Variants in CDH6 observed in about 807,000 individuals in gnomAD.
CDH6 encodes the protein cadherin-6.
CDH6 carries 31 observed loss-of-function variants against 78.0 expected under a neutral mutation model. The ratio of observed to expected loss-of-function variants is 0.40; its 90% confidence interval spans 0.30 to 0.54. The LOEUF is 0.54. Ranked by LOEUF, CDH6 falls within the 20% of genes least tolerant of loss-of-function variation. CDH6 has a pLI of 0.56. For missense variants in CDH6, 724 were observed against 975.9 expected (o/e 0.74, Z 3.44); for synonymous variants, 376 against 368.8 (o/e 1.02, Z -0.23).
rs1483502546 is a variant in CDH6, at chr5:31,301,834, G to A, written c.812-277G>A. On this transcript the variant is annotated intron_variant, in intron 5 of 11. Transcript: ENST00000265071. Reference sequence around the variant, plus strand: ...CTTCTATGCCTCCTGTAGCCATTCAGTTGTTCTCACAATCACACCATAAAC... The same window carrying A: ...CTTCTATGCCTCCTGTAGCCATTCAATTGTTCTCACAATCACACCATAAAC... 2.6e-5 allele frequency among the ~76,000 whole-genome samples: 4 copies of A among 152,206 alleles called. No individual in the cohort carries two copies. The East Asian group carries it at 7.7e-4, about 29-fold the overall frequency.
chr5:31,290,567 CA>C (rs1743127802), intron 2 of CDH6, among the ~76,000 whole-genome samples: 1 of 152,136 alleles, frequency 6.6e-6, no homozygotes, highest in African/African-American at 2.4e-5. Flanking sequence ...GATGACATCA[CA>C]AAAGAAAAAA....
intron 1 of CDH6, among the ~76,000 whole-genome samples, chr5:31,219,416 A>G (rs1740950137): frequency 6.6e-6 from 1 of 152,068 alleles, no homozygotes; most frequent in South Asian, 2.1e-4. Context: ...ATAATACATC[A>G]AACATATCCA....
At chr5:31,278,671 T>C (rs1228427554) in intron 2 of CDH6, among the ~76,000 whole-genome samples, 2 of 152,180 alleles carry the variant, frequency 1.3e-5, no homozygotes, top group Admixed American at 6.6e-5. Flanking sequence ...CACAAAAATA[T>C]CAGCTATAGA....
intron 2 of CDH6, among the ~76,000 whole-genome samples, chr5:31,276,942 C>A (rs971122834): frequency 3.9e-5 from 6 of 152,122 alleles, no homozygotes; most frequent in Non-Finnish European, 8.8e-5. Context: ...AGGGAAGGTG[C>A]CCTGCTGTGA....
chr5:31,237,442 G>A (rs894900645), intron 1 of CDH6, among the ~76,000 whole-genome samples: 5 of 152,076 alleles, frequency 3.3e-5, no homozygotes, highest in Non-Finnish European at 7.4e-5. Context: ...CATACTTCAT[G>A]TTGCTCACAT....
intron 3 of CDH6, among the ~76,000 whole-genome samples, chr5:31,296,219 G>A (rs375655764): frequency 3.9e-5 from 6 of 152,040 alleles, no homozygotes; most frequent in African/African-American, 1.4e-4. Context: ...ATGCTTACTG[G>A]TTATCTGATA....
intron 1 of CDH6, among the ~76,000 whole-genome samples, chr5:31,252,997 T>C (rs550172469): frequency 6.6e-6 from 1 of 152,240 alleles, no homozygotes; most frequent in Non-Finnish European, 1.5e-5. Context: ...AAAAATACCA[T>C]GGACTAAGTG....
At chr5:31,234,374 C>G (rs1370431240) in intron 1 of CDH6, among the ~76,000 whole-genome samples, 2 of 152,176 alleles carry the variant, frequency 1.3e-5, no homozygotes, top group Non-Finnish European at 2.9e-5. Context: ...ATTTTAGAAT[C>G]TTATCACATA....
intron 1 of CDH6, among the ~76,000 whole-genome samples, chr5:31,228,130 C>G (rs1741216465): frequency 6.6e-6 from 1 of 152,134 alleles, no homozygotes; most frequent in Non-Finnish European, 1.5e-5. Context: ...ATGTTTAAAT[C>G]TCTCTCTCTT....
In CDH6 at chr5:31,328,175, CTT is replaced by C. The variant is rs151043213; in HGVS notation, c.*4887_*4888del. 8.5e-3 allele frequency: 1,030 copies of C among 121,640 alleles called. No homozygotes were observed. Among genetic ancestry groups the C allele is most frequent in the East Asian group, 0.03 (230 of 7,566 alleles). 7.5% of individuals were successfully genotyped at this position (121,640 alleles called of 1,614,324 possible). On this transcript the variant is annotated 3_prime_UTR_variant, in exon 12 of 12. Coordinates refer to ENST00000265071, the MANE Select transcript of CDH6 (RefSeq NM_004932.4). ...AGAGCTTTTACAAGTTGCTTAATTCCTTTTTTTTTTTTTTTTTTTTTCAAAAA... is the reference window on the plus strand; with the variant it reads ...AGAGCTTTTACAAGTTGCTTAATTCCTTTTTTTTTTTTTTTTTTTCAAAAA...
chr5:31,261,919 A>G (rs530146663), intron 1 of CDH6, among the ~76,000 whole-genome samples: 4 of 152,218 alleles, frequency 2.6e-5, no homozygotes, highest in African/African-American at 7.2e-5. Flanking sequence ...TTCAATCAAT[A>G]AAAAAAATTC....
chr5:31,237,130 G>A (rs1561036348), intron 1 of CDH6, among the ~76,000 whole-genome samples: 1 of 152,072 alleles, frequency 6.6e-6, no homozygotes, highest in South Asian at 2.1e-4. Context: ...ACAGCTGAAC[G>A]AGGCAGGTTA....
At chr5:31,236,204 T>C (rs1312703262) in intron 1 of CDH6, among the ~76,000 whole-genome samples, 1 of 152,228 alleles carries the variant, frequency 6.6e-6, no homozygotes, top group Admixed American at 6.5e-5. Context: ...TAAATTTAAG[T>C]AGTTTTGTTA....
chr5:31,306,652 G>C (rs1397980538), intron 7 of CDH6, among the ~76,000 whole-genome samples: 2 of 152,130 alleles, frequency 1.3e-5, no homozygotes, highest in African/African-American at 4.8e-5. Context: ...AGAAACTCTT[G>C]CCAATGAGTT....
chr5:31,303,090 C>A (rs973879333), intron 6 of CDH6, among the ~76,000 whole-genome samples: 2 of 152,078 alleles, frequency 1.3e-5, no homozygotes, highest in East Asian at 1.9e-4. Context: ...TTATTAAGAA[C>A]CTCCTAAGTA....
intron 1 of CDH6, among the ~76,000 whole-genome samples, chr5:31,248,010 A>T (rs556342905): frequency 3.3e-5 from 5 of 152,352 alleles, no homozygotes; most frequent in African/African-American, 1.2e-4. Flanking sequence ...TTAGTTTTAA[A>T]AACTAAAAAC....
intron 2 of CDH6, among the ~76,000 whole-genome samples, chr5:31,273,834 A>G (rs532995908): frequency 1.3e-5 from 2 of 152,224 alleles, no homozygotes; most frequent in South Asian, 4.1e-4. Context: ...AGAACACATT[A>G]GTGGTATTCA....
rs185292616 is a variant in CDH6 at position 31,254,045 on chromosome 5, T to G, written c.-128-13301T>G. 1.3e-3 allele frequency among the ~76,000 whole-genome samples: 192 copies of G among 152,308 alleles called. 1 individual carries two copies. The highest frequency in any genetic ancestry group is 2.2e-3 in the Non-Finnish European group (148 of 68,018). On this transcript the variant is annotated intron_variant, in intron 1 of 11. Transcript: ENST00000265071. The stretch of plus-strand genomic sequence containing the variant: ...TTCATAAATTTTAAGCTGCACACTG[T>G]TCTGGACAGCGTGGTGAAATCTTGC...
Position 31,317,424 on chromosome 5 carries a change from A to C in CDH6, c.1562A>C (p.His521Pro). 6.2e-7 allele frequency: 1 copy of C among 1,612,580 alleles called. No individual in the cohort carries two copies. Among genetic ancestry groups the C allele is most frequent in the Non-Finnish European group, 8.5e-7 (1 of 1,178,640 alleles). Residue 521 changes from histidine to proline, a missense_variant, in exon 10 of 12, where the codon CAC becomes CCC. Physicochemically the swap from His to Pro is moderately conservative, Grantham distance 77. This residue lies in a region of CDH6 where 446 missense variants were observed against 684.5 expected (regional missense o/e 0.65). Transcript: ENST00000265071. ...AVDKDDPYSG[H>P]QFSFSLAPEA... Reference sequence around the variant, plus strand: ...GACAAGGATGACCCTTATAGTGGACACCAATTTTCGTTTTCCTTGGCCCCT... The same window carrying C: ...GACAAGGATGACCCTTATAGTGGACCCCAATTTTCGTTTTCCTTGGCCCCT...
Sources: allele counts gnomAD v4.1 joint callset (sites outside exome capture counted in the v4.1 genomes callset), GRCh38; gene constraint gnomAD v4.1.1; regional missense constraint gnomAD v4.1.1; transcripts MANE v1.5; gene names NCBI Gene and HGNC (gene_info 2026-07-23, HGNC 2026-07-21).